Variants in KLHL36 observed in about 807,000 individuals in gnomAD.
The protein encoded by KLHL36 is kelch-like protein 36.
A neutral mutation model predicts 53.3 loss-of-function variants in KLHL36; 35 were observed. The observed-to-expected ratio is 0.66, with a 90% CI of 0.50 to 0.87. KLHL36 has a LOEUF of 0.87. KLHL36 is among the 40% of genes least tolerant of loss of function. KLHL36 has a pLI of 0.00. For missense variants in KLHL36, 864 were observed against 897.6 expected, an observed-to-expected ratio of 0.96 and a Z score of 0.48; for synonymous variants, 472 against 398.9, an observed-to-expected ratio of 1.18 and a Z score of -2.18.
chr16:84,651,104 A>G (rs1906847986), intron 2 of KLHL36, among the ~76,000 whole-genome samples, 174 bp downstream of exon 2: 1 of 152,190 alleles, frequency 6.6e-6, no homozygotes, highest in Non-Finnish European at 1.5e-5. Flanking sequence ...AAAATCAGAC[A>G]GTGGGAAGTA....
rs3196203 is a variant in KLHL36 at position 84,657,848 on chromosome 16, C to G, written c.1041C>G (p.Ile347Met). ...GTGTCGCGGTGCTGGGGGGCTTCAT[C>G]TTCATCGCCGGCGGCAGCTTCTCAC... ...HHCVAVLGGF[I>M]FIAGGSFSRD... is the part of the protein sequence containing the mutation. The change falls in exon 3 of 5, where the codon ATC becomes ATG. Residue 347 changes from isoleucine (I) to methionine (M), a missense_variant. By Grantham distance (10) the Ile-to-Met change is conservative. Coordinates refer to ENST00000564996, the MANE Select transcript of KLHL36 (RefSeq NM_024731.4). 6.3e-7 allele frequency: 1 copy of G among 1,595,556 alleles called. No homozygotes were observed. Among genetic ancestry groups the G allele is most frequent in the Non-Finnish European group, 8.6e-7 (1 of 1,168,562 alleles).
chr16:84,652,823 C>T (rs893403031), intron 2 of KLHL36, among the ~76,000 whole-genome samples: 7 of 152,326 alleles, frequency 4.6e-5, no homozygotes, highest in Admixed American at 1.3e-4. Context: ...GAGCCTCACC[C>T]GTGTTGCTGC....
Position 84,659,897 on chromosome 16 carries a change from C to T in KLHL36, c.1275C>T (p.Ser425=), listed in dbSNP as rs755786852. 6.2e-6 allele frequency: 10 copies of T among 1,607,262 alleles called. No homozygotes were observed. In the Admixed American group the frequency reaches 1.0e-4, roughly 16 times the overall value. Residue 425 remains serine, a synonymous_variant, in exon 4 of 5, where the codon TCC becomes TCT. Coordinates refer to ENST00000564996, the MANE Select transcript of KLHL36 (RefSeq NM_024731.4). ...ETYSPKTDSW[S]YVAGLPRFTY... ...ACAGTCCCAAGACTGACTCCTGGTC[C>T]TATGTGGCCGGCTTGCCAAGGTGAT... is the stretch of plus-strand genomic sequence containing the variant.
rs759644760 is a variant in KLHL36, at chr16:84,661,807, G to C, written c.1525G>C (p.Glu509Gln). 2.3e-5 allele frequency: 37 copies of C among 1,610,714 alleles called. No individual in the cohort carries two copies. The highest frequency in any genetic ancestry group is 3.1e-5 in the Non-Finnish European group (36 of 1,177,666). ...GGSDDNIESM[E>Q]RFDVLGVEAY... Reference sequence around the variant, plus strand: ...CAGCGATGACAACATCGAGTCCATGGAGCGCTTCGACGTGCTGGGCGTGGA... The same window carrying C: ...CAGCGATGACAACATCGAGTCCATGCAGCGCTTCGACGTGCTGGGCGTGGA... Residue 509 changes from glutamate (E) to glutamine (Q), a missense_variant, in exon 5 of 5, where the codon GAG becomes CAG. Glu to Gln is a conservative substitution (Grantham distance 29). Coordinates refer to ENST00000564996, the MANE Select transcript of KLHL36 (RefSeq NM_024731.4). This position sits in a 1 kb window ranked among gnomAD's most constrained non-coding sequence, Gnocchi z 7.9.
intron 2 of KLHL36, among the ~76,000 whole-genome samples, chr16:84,655,073 G>A (rs547520485): frequency 5.9e-5 from 9 of 152,310 alleles, no homozygotes; most frequent in African/African-American, 1.4e-4. Context: ...AGATCTCCAC[G>A]TGTGTGACCT....
Position 84,664,744 on chromosome 16 carries a change from G to A in KLHL36, c.*2611G>A, listed in dbSNP as rs985896925. ...ACAAGGGCACCCAGTGGTGGTGCCC[G>A]GGCCAGGTTTTTGTTACTTGTCTTT... On this transcript the variant is annotated 3_prime_UTR_variant, in exon 5 of 5. Coordinates refer to ENST00000564996, the MANE Select transcript of KLHL36 (RefSeq NM_024731.4). The A allele has an allele frequency of 3.9e-5, 6 of 152,168 alleles. No homozygotes were observed. Among genetic ancestry groups the A allele is most frequent in the South Asian group, 2.1e-4 (1 of 4,834 alleles). 9.4% of individuals were successfully genotyped at this position (152,168 alleles called of 1,614,324 possible). A position where few individuals can be genotyped will look rare whatever the true frequency, so the allele number is the denominator to read the frequency against.
At chr16:84,650,670 C>G (rs1906812666) in intron 1 of KLHL36, among the ~76,000 whole-genome samples, 182 bp from the exon 2 acceptor site, 2 of 152,090 alleles carry the variant, frequency 1.3e-5, no homozygotes, top group Admixed American at 6.5e-5. Context: ...CTGTCCAATT[C>G]TAACAACCCG....
chr16:84,650,828 T>C, intron 1 of KLHL36, 24 bp from the exon 2 acceptor site: 1 of 1,561,502 alleles, frequency 6.4e-7, no homozygotes, highest in Non-Finnish European at 8.8e-7. Flanking sequence ...GACTGCATGC[T>C]CAGAAATCCT....
intron 3 of KLHL36, chr16:84,658,525 G>T (rs1308399079): frequency 6.6e-6 from 1 of 152,286 alleles, no homozygotes; most frequent in African/African-American, 2.4e-5. Context: ...TGGGAAGAGC[G>T]TGGGCCTTGA....
In KLHL36 at chr16:84,667,089, G is replaced by T. The variant is rs1020381584; in HGVS notation, c.*4956G>T. 1.6e-5 allele frequency: 2 copies of T among 124,078 alleles called. No individual in the cohort carries two copies. The highest frequency in any genetic ancestry group is 3.2e-5 in the African/African-American group (1 of 31,454). The allele number at this position is 124,078 out of a possible 1,614,324, so 7.7% of individuals were successfully genotyped here. A position where few individuals can be genotyped will look rare whatever the true frequency, so the allele number is the denominator to read the frequency against. On this transcript the variant is annotated 3_prime_UTR_variant, in exon 5 of 5. Transcript: ENST00000564996. ...AAAAAAAAAAAAAAGAAAAGAAATTGTCCTTTGGTTGCCTTAGTTACCAGA... is the reference window on the plus strand; with the variant it reads ...AAAAAAAAAAAAAAGAAAAGAAATTTTCCTTTGGTTGCCTTAGTTACCAGA...
In KLHL36 at chr16:84,661,271, C is replaced by T. The variant is rs1158622406; in HGVS notation, c.1296-307C>T. On this transcript the variant is annotated intron_variant, in intron 4 of 4. Transcript: ENST00000564996. The surrounding 1 kb of genome is among the most constrained non-coding windows in gnomAD (Gnocchi z 7.9). ...AGCTCATTGTTCTAGTCGTTTCCAG[C>T]CATTGTGAAAAGGGTGATGGTCCTG... Among the ~76,000 whole-genome samples the T allele has an allele frequency of 6.6e-6, 1 of 152,218 alleles. No individual in the cohort carries two copies. Among genetic ancestry groups the T allele is most frequent in the Non-Finnish European group, 1.5e-5 (1 of 68,046 alleles).
intron 2 of KLHL36, among the ~76,000 whole-genome samples, chr16:84,652,986 G>A (rs991428914): frequency 2.6e-5 from 4 of 152,166 alleles, no homozygotes; most frequent in Non-Finnish European, 5.9e-5. Flanking sequence ...GGGAGGCCGA[G>A]GCGGGAGGAT....
In KLHL36 at chr16:84,661,361, C is replaced by T. The variant is rs972422113; in HGVS notation, c.1296-217C>T. Among the ~76,000 whole-genome samples the T allele has an allele frequency of 6.6e-6, 1 of 152,232 alleles. No individual in the cohort carries two copies. The highest frequency in any genetic ancestry group is 2.4e-5 in the African/African-American group (1 of 41,466). ...GAGAGAGTGAAGCTGGGTTCTGGCC[C>T]AGGCGGCCTGACTGCAAAGCTGTCC... is the stretch of plus-strand genomic sequence containing the variant. On this transcript the variant is annotated intron_variant, in intron 4 of 4. Coordinates refer to ENST00000564996, the MANE Select transcript of KLHL36 (RefSeq NM_024731.4). The surrounding 1 kb of genome is among the most constrained non-coding windows in gnomAD (Gnocchi z 7.9).
chr16:84,664,892 T>C lies in KLHL36; in HGVS notation c.*2759T>C, dbSNP rs1907755461. The C allele has an allele frequency of 6.6e-6, 1 of 152,164 alleles. No individual in the cohort carries two copies. Among genetic ancestry groups the C allele is most frequent in the African/African-American group, 2.4e-5 (1 of 41,426 alleles). The allele number at this position is 152,164 out of a possible 1,614,324, so 9.4% of individuals were successfully genotyped here. On this transcript the variant is annotated 3_prime_UTR_variant, in exon 5 of 5. Coordinates refer to ENST00000564996, the MANE Select transcript of KLHL36 (RefSeq NM_024731.4). ...ATTACAAAAGATTAGCCAGGGATGG[T>C]GGGGCATGCAGTAGTCCCAGCTGCT...
chr16:84,657,299 T>C lies in KLHL36; in HGVS notation c.492T>C (p.Asp164=). 6.2e-7 allele frequency: 1 copy of C among 1,613,994 alleles called. No homozygotes were observed. Among genetic ancestry groups the C allele is most frequent in the Non-Finnish European group, 8.5e-7 (1 of 1,180,030 alleles). Residue 164 remains aspartate, a synonymous_variant, in exon 3 of 5, where the codon GAT becomes GAC. Coordinates refer to ENST00000564996, the MANE Select transcript of KLHL36 (RefSeq NM_024731.4). ...LASIYSLKRL[D]AFIDGFILNH... ...CCATCTACAGCCTCAAGCGGCTTGA[T>C]GCCTTCATCGATGGCTTCATCCTGA... is the stretch of plus-strand genomic sequence containing the variant.
At position 84,661,793 on chromosome 16, in the gene KLHL36, A is replaced by ACAGT; in HGVS notation, c.1513_1514insGTCA (p.Ile505SerfsTer148). 6.2e-7 allele frequency: 1 copy of ACAGT among 1,612,108 alleles called. No homozygotes were observed. Among genetic ancestry groups the ACAGT allele is most frequent in the Non-Finnish European group, 8.5e-7 (1 of 1,178,746 alleles). On this transcript the variant is annotated frameshift_variant, in exon 5 of 5. Coordinates refer to ENST00000564996, the MANE Select transcript of KLHL36 (RefSeq NM_024731.4). LOFTEE classifies it high-confidence loss of function. The surrounding 1 kb of genome is among the most constrained non-coding windows in gnomAD (Gnocchi z 7.9). The stretch of plus-strand genomic sequence containing the variant: ...TACTCCATCGGGGGCAGCGATGACA[A>ACAGT]CATCGAGTCCATGGAGCGCTTCGAC...
chr16:84,658,083 A>G (rs1304777728), intron 3 of KLHL36, 139 bp downstream of exon 3: 1 of 697,482 alleles, frequency 1.4e-6, no homozygotes, highest in South Asian at 2.4e-5. Context: ...AGTGACGAGC[A>G]GAATACCCCG....
intron 2 of KLHL36, among the ~76,000 whole-genome samples, chr16:84,656,364 G>T (rs1005583973): frequency 6.6e-6 from 1 of 150,424 alleles, no homozygotes; most frequent in African/African-American, 2.4e-5. Context: ...CCATCTCCTG[G>T]GTTCAAGCAA....
intron 2 of KLHL36, among the ~76,000 whole-genome samples, chr16:84,654,071 C>T (rs1304833734): frequency 6.6e-6 from 1 of 152,182 alleles, no homozygotes; most frequent in African/African-American, 2.4e-5. Flanking sequence ...GGGCTTTCCC[C>T]AGTCCTGCCC....
Sources: gnomAD v4.1 joint callset for allele counts (sites outside exome capture counted in the v4.1 genomes callset) on GRCh38, gnomAD v4.1.1 for gene constraint, Gnocchi (gnomAD v3.1) non-coding constraint, MANE v1.5 for transcripts, NCBI Gene and HGNC (gene_info 2026-07-23, HGNC 2026-07-21) for gene names.